Variants in RNF213 observed in about 807,000 individuals in gnomAD.
RNF213 encodes the protein ring finger protein 213.
RNF213 carries 341 observed loss-of-function variants against 514.4 expected under a neutral mutation model. That is an observed-to-expected ratio of 0.66 (90% confidence interval 0.61 to 0.73). RNF213 has a LOEUF of 0.73. RNF213 is among the 30% of genes least tolerant of loss of function. RNF213 has a pLI of 0.00. For synonymous variants in RNF213, 2,655 were observed against 2,658.2 expected (o/e 1.00, Z 0.04); for missense variants, 5,767 against 6,615.6 (o/e 0.87, Z 4.45).
At position 80,327,434 on chromosome 17, in the gene RNF213, T is replaced by G. The variant is rs145355706; in HGVS notation, c.3194-382T>G. On this transcript the variant is annotated intron_variant, in intron 18 of 67. Coordinates refer to ENST00000582970, the MANE Select transcript of RNF213 (RefSeq NM_001256071.3). The stretch of plus-strand genomic sequence containing the variant: ...AAAATGAGGTTACAGTGGGCTATGG[T>G]TGTGCCACTGCACTCCAGCCTGGGT... Among the ~76,000 whole-genome samples, 341 of 151,884 alleles carry G rather than the reference T, an allele frequency of 2.2e-3. 2 individuals are homozygous for G. Among genetic ancestry groups the G allele is most frequent in the African/African-American group, 7.9e-3 (326 of 41,336 alleles).
chr17:80,272,428 A>G (rs2043855321), intron 2 of RNF213, among the ~76,000 whole-genome samples: 1 of 152,168 alleles, frequency 6.6e-6, no homozygotes, highest in African/African-American at 2.4e-5. Context: ...GCCGACGGGG[A>G]TGCTGACAGC....
In RNF213 at chr17:80,372,675, G is replaced by A. The variant is rs1042134714; in HGVS notation, c.12692G>A (p.Arg4231Gln). The change falls in exon 48 of 68, where the codon CGG (arginine) becomes CAG (glutamine). Residue 4231 changes from arginine to glutamine, a missense_variant. This residue lies in a region of RNF213 where 1,245 missense variants were observed against 1,339.0 expected (regional missense o/e 0.93). Coordinates refer to ENST00000582970, the MANE Select transcript of RNF213 (RefSeq NM_001256071.3). ...GTTGAATACCTGCAAGAGGTGGCCC[G>A]GATCCGCCTCTGCCTCGACAGAGCT... ...ASVEYLQEVA[R>Q]IRLCLDRAAD... The A allele has an allele frequency of 2.0e-5, 32 of 1,613,914 alleles. No homozygotes were observed. Among genetic ancestry groups the A allele is most frequent in the Non-Finnish European group, 2.3e-5 (27 of 1,180,032 alleles).
chr17:80,297,717 G>A (rs2045010253), intron 10 of RNF213, among the ~76,000 whole-genome samples: 1 of 150,778 alleles, frequency 6.6e-6, no homozygotes, highest in Non-Finnish European at 1.5e-5. Flanking sequence ...AACCCGAGAG[G>A]CAGAGCTTGC....
chr17:80,383,440 C>T (rs1420278809), intron 58 of RNF213, among the ~76,000 whole-genome samples: 1 of 152,108 alleles, frequency 6.6e-6, no homozygotes, highest in East Asian at 1.9e-4. Flanking sequence ...CATCTAGCAG[C>T]CAGAATGTTA....
chr17:80,379,900 T>C (rs992754565), intron 55 of RNF213, 186 bp downstream of exon 55: 1 of 643,554 alleles, frequency 1.6e-6, no homozygotes, highest in Non-Finnish European at 2.8e-6. Context: ...TGATCTGTTG[T>C]TGGATCCCTG....
chr17:80,295,425 G>C, intron 9 of RNF213, 132 bp from the exon 10 acceptor site: 1 of 1,157,416 alleles, frequency 8.6e-7, no homozygotes. Context: ...AGCTCCTCCT[G>C]TGGCTCTCAC....
chr17:80,349,136 A>T (rs55692616), intron 29 of RNF213, among the ~76,000 whole-genome samples: 1 of 151,918 alleles, frequency 6.6e-6, no homozygotes, highest in Non-Finnish European at 1.5e-5. Context: ...GACCCCCTGG[A>T]TTCCTCCTTA....
chr17:80,308,916 G>C, intron 13 of RNF213, 102 bp from the exon 14 acceptor site: 1 of 1,401,694 alleles, frequency 7.1e-7, no homozygotes, highest in East Asian at 2.3e-5. Context: ...CAAATGCCCT[G>C]TTGGTAGTTA....
intron 41 of RNF213, among the ~76,000 whole-genome samples, chr17:80,364,222 A>G (rs1428354972): frequency 1.3e-5 from 2 of 152,202 alleles, no homozygotes; most frequent in Non-Finnish European, 2.9e-5. Flanking sequence ...GAGGCATCAC[A>G]GTGGGACACC....
chr17:80,388,667 A>T lies in RNF213; in HGVS notation c.14978A>T (p.Asp4993Val). ...TGGAACTATGAACATCTCTTTATGGACATCAAGAACAAAATGGCACAGGTG... is the reference window on the plus strand; with the variant it reads ...TGGAACTATGAACATCTCTTTATGGTCATCAAGAACAAAATGGCACAGGTG... ...HDWNYEHLFM[D>V]IKNKMAQDSL... is the part of the protein sequence containing the mutation. The change falls in exon 64 of 68, where the codon GAC (aspartate) becomes GTC (valine). Residue 4993 changes from aspartate to valine, a missense_variant. Transcript: ENST00000582970. 6.2e-7 allele frequency: 1 copy of T among 1,611,556 alleles called. No individual in the cohort carries two copies. The highest frequency in any genetic ancestry group is 8.5e-7 in the Non-Finnish European group (1 of 1,178,252).
chr17:80,355,839 A>G lies in RNF213; in HGVS notation c.10862+1263A>G, dbSNP rs148946177. Among the ~76,000 whole-genome samples, 143 of 144,754 alleles carry G rather than the reference A, an allele frequency of 9.9e-4. 4 individuals carry two copies. Among genetic ancestry groups the G allele is most frequent in the African/African-American group, 3.3e-3 (118 of 35,462 alleles). 95.0% of individuals were successfully genotyped at this position (144,754 alleles called of 152,430 possible). A position where few individuals can be genotyped will look rare whatever the true frequency, so the allele number is the denominator to read the frequency against. ...GGCTTACAGGAGAAGAAGCGGGGTGAACGGGAATGGGGACTTACAGACACC... is the reference window on the plus strand; with the variant it reads ...GGCTTACAGGAGAAGAAGCGGGGTGGACGGGAATGGGGACTTACAGACACC... On this transcript the variant is annotated intron_variant, in intron 36 of 67. Coordinates refer to ENST00000582970, the MANE Select transcript of RNF213 (RefSeq NM_001256071.3).
chr17:80,281,827 C>T (rs1181594370), intron 3 of RNF213, among the ~76,000 whole-genome samples: 1 of 152,148 alleles, frequency 6.6e-6, no homozygotes, highest in Admixed American at 6.6e-5. Flanking sequence ...TGGTACATAA[C>T]CCACAGCATC....
Position 80,334,117 on chromosome 17 carries a change from G to A in RNF213, c.4156G>A (p.Asp1386Asn), listed in dbSNP as rs113139767. 3.1e-3 allele frequency: 4,824 copies of A among 1,537,160 alleles called. 10 individuals carry two copies. The highest frequency in any genetic ancestry group is 3.9e-3 in the Non-Finnish European group (4,448 of 1,146,886). ...CTTTTTCTTGCAGACTGATAACTTCGACGACTTTCGCCGTGAAACACTGGA... is the reference window on the plus strand; with the variant it reads ...CTTTTTCTTGCAGACTGATAACTTCAACGACTTTCGCCGTGAAACACTGGA... ...NTLLNFTDNFDDFRRETLDQI... is the reference protein window; with the variant it reads ...NTLLNFTDNFNDFRRETLDQI... The change falls in exon 22 of 68, where the codon GAC (aspartate) becomes AAC (asparagine). Residue 1386 changes from aspartate to asparagine, a missense_variant. Physicochemically the swap from Asp to Asn is conservative, Grantham distance 23. This residue lies in a region of RNF213 where 516 missense variants were observed against 566.5 expected (regional missense o/e 0.91). Coordinates refer to ENST00000582970, the MANE Select transcript of RNF213 (RefSeq NM_001256071.3).
intron 2 of RNF213, among the ~76,000 whole-genome samples, chr17:80,267,837 T>TC (rs398031734): frequency 8.6e-4 from 130 of 151,474 alleles, no homozygotes; most frequent in Non-Finnish European, 1.5e-3. Flanking sequence ...TTTTTTTTTT[T>TC]GAGACAGGGT....
In RNF213 at chr17:80,364,460, C is replaced by G; in HGVS notation, c.11778C>G (p.Thr3926=). Residue 3926 remains threonine, a synonymous_variant, in exon 42 of 68, where the codon ACC becomes ACG. Coordinates refer to ENST00000582970, the MANE Select transcript of RNF213 (RefSeq NM_001256071.3). ...CCCAGTGGAGTCGGATTTTCTCCAC[C>G]GCACTCTTCGTGGAGCACGTGCTCC... is the stretch of plus-strand genomic sequence containing the variant. ...VRAQWSRIFS[T]ALFVEHVLLG... is the part of the protein sequence containing the mutation. 1 of 1,614,120 alleles carries G rather than the reference C, an allele frequency of 6.2e-7. No individual in the cohort carries two copies. Among genetic ancestry groups the G allele is most frequent in the Non-Finnish European group, 8.5e-7 (1 of 1,179,992 alleles).
At chr17:80,382,023 A>T in intron 57 of RNF213, 1 of 423,690 alleles carries the variant, frequency 2.4e-6, no homozygotes, top group Non-Finnish European at 4.5e-6. Context: ...GCAAGTGTTC[A>T]GTGTGCATAT....
chr17:80,345,352 G>C lies in RNF213; in HGVS notation c.7017G>C (p.Lys2339Asn), dbSNP rs2078275515. The C allele has an allele frequency of 6.2e-7, 1 of 1,613,984 alleles. No individual in the cohort carries two copies. The highest frequency in any genetic ancestry group is 1.1e-5 in the South Asian group (1 of 91,064). ...ATGCCATCAGTCACTTGACTGGGAAGGTCATCAAGAGAGACGTCATGACCA... is the reference window on the plus strand; with the variant it reads ...ATGCCATCAGTCACTTGACTGGGAACGTCATCAAGAGAGACGTCATGACCA... ...SVDAISHLTG[K>N]VIKRDVMTRD... Residue 2339 changes from lysine to asparagine, a missense_variant, in exon 29 of 68, where the codon AAG (lysine) becomes AAC (asparagine). Physicochemically the swap from Lys to Asn is moderately conservative, Grantham distance 94 (BLOSUM62 0). Transcript: ENST00000582970. This position sits in a 1 kb window ranked among gnomAD's most constrained non-coding sequence, Gnocchi z 6.0.
chr17:80,328,101 T>G (rs1405821775), intron 19 of RNF213, 112 bp downstream of exon 19: 1 of 1,284,140 alleles, frequency 7.8e-7, no homozygotes, highest in Non-Finnish European at 1.1e-6. Flanking sequence ...TTAGCCTTGA[T>G]AATGAGTATC....
intron 42 of RNF213, among the ~76,000 whole-genome samples, chr17:80,365,562 G>T (rs1441578251): frequency 6.6e-6 from 1 of 152,100 alleles, no homozygotes; most frequent in Non-Finnish European, 1.5e-5. Context: ...TCCCGGACAC[G>T]CACACGCCAC....
Sources: allele counts gnomAD v4.1 joint callset (sites outside exome capture counted in the v4.1 genomes callset), GRCh38; gene constraint gnomAD v4.1.1; regional missense constraint gnomAD v4.1.1; non-coding constraint Gnocchi (gnomAD v3.1); transcripts MANE v1.5; gene names NCBI Gene and HGNC (gene_info 2026-07-23, HGNC 2026-07-21).